Variants in GRM5 observed in about 807,000 individuals in gnomAD.
The protein encoded by GRM5 is glutamate metabotropic receptor 5, also known as metabotropic glutamate receptor 5.
In GRM5, 19 loss-of-function variants were observed where a neutral mutation model predicts 83.1. The ratio of observed to expected loss-of-function variants is 0.23; its 90% CI spans 0.16 to 0.34. The LOEUF is 0.34. Ranked by LOEUF, GRM5 falls within the 10% of genes least tolerant of loss-of-function variation. The pLI is 1.00. For missense variants in GRM5, 1,160 were observed against 1,588.3 expected (o/e 0.73, Z 4.58); for synonymous variants, 675 against 633.6 (o/e 1.07, Z -0.98).
chr11:88,523,163 T>G (rs1318424554), intron 9 of GRM5, among the ~76,000 whole-genome samples: 1 of 152,238 alleles, frequency 6.6e-6, no homozygotes, highest in Non-Finnish European at 1.5e-5. Flanking sequence ...CAGCTCCATG[T>G]CATCTCCTAC....
chr11:88,592,994 T>A (rs1479539844), intron 6 of GRM5, among the ~76,000 whole-genome samples: 3 of 151,958 alleles, frequency 2.0e-5, no homozygotes, highest in Non-Finnish European at 2.9e-5. Context: ...TGTTCCTTAT[T>A]TTTTTTGAAG....
At chr11:88,560,833 C>G (rs1399323013) in intron 8 of GRM5, among the ~76,000 whole-genome samples, 4 of 152,146 alleles carry the variant, frequency 2.6e-5, no homozygotes, top group Non-Finnish European at 5.9e-5. Flanking sequence ...GAGGGCCTAG[C>G]ACAGTGGTGG....
At chr11:89,031,598 G>A (rs894274049) in intron 2 of GRM5, among the ~76,000 whole-genome samples, 1 of 151,802 alleles carries the variant, frequency 6.6e-6, no homozygotes, top group African/African-American at 2.4e-5. Flanking sequence ...ATGAAAAAAT[G>A]CAAACAAAAA....
At chr11:89,043,312 G>A (rs1200356926) in intron 2 of GRM5, among the ~76,000 whole-genome samples, 1 of 152,036 alleles carries the variant, frequency 6.6e-6, no homozygotes, top group Non-Finnish European at 1.5e-5. Flanking sequence ...AATCACCCAG[G>A]AAGTACAATA....
At chr11:88,783,857 A>T (rs1290215001) in intron 3 of GRM5, among the ~76,000 whole-genome samples, 2 of 152,076 alleles carry the variant, frequency 1.3e-5, no homozygotes, top group African/African-American at 4.8e-5. Flanking sequence ...ATAGGTTAGT[A>T]CCTGCAAAGC....
rs1008016578 is a variant in GRM5, at chr11:88,505,882, C to T, written c.*2710G>A. 2.6e-5 allele frequency: 4 copies of T among 152,148 alleles called. No individual in the cohort carries two copies. The highest frequency in any genetic ancestry group is 9.7e-5 in the African/African-American group (4 of 41,434). The allele number at this position is 152,148 out of a possible 1,614,324, so 9.4% of individuals were successfully genotyped here. A position where few individuals can be genotyped will look rare whatever the true frequency, so the allele number is the denominator to read the frequency against. ...CCCAAATGAATTGTGAAGTTCATAT[C>T]CTATAGCCCTAGAATGAATATTCAG... On this transcript the variant is annotated 3_prime_UTR_variant, in exon 10 of 10. Coordinates refer to ENST00000305447, the MANE Select transcript of GRM5 (RefSeq NM_001143831.3).
chr11:88,629,625 C>G (rs979940700), intron 4 of GRM5, among the ~76,000 whole-genome samples: 5 of 152,134 alleles, frequency 3.3e-5, no homozygotes, highest in Admixed American at 3.3e-4. Flanking sequence ...CTTACCCATA[C>G]CACACTCGCT....
rs552914639 is a variant in GRM5 at position 88,854,956 on chromosome 11, C to A, written c.662-4801G>T. Among the ~76,000 whole-genome samples the A allele has an allele frequency of 2.6e-5, 4 of 151,892 alleles. No homozygotes were observed. The South Asian group carries it at 8.3e-4, about 32-fold the overall frequency. On this transcript the variant is annotated intron_variant, in intron 2 of 9. Coordinates refer to ENST00000305447, the MANE Select transcript of GRM5 (RefSeq NM_001143831.3). ...TTCAATATCATTAACAACTGTGTTA[C>A]ATTGGCCACTTTAAGATAAAGATAA...
intron 3 of GRM5, among the ~76,000 whole-genome samples, chr11:88,842,786 T>C (rs909400370): frequency 5.3e-5 from 8 of 152,208 alleles, no homozygotes; most frequent in African/African-American, 1.9e-4. Context: ...GATTTGCTAT[T>C]ATCCTGATGA....
At chr11:88,628,358 T>C (rs1422012972) in intron 4 of GRM5, among the ~76,000 whole-genome samples, 1 of 152,222 alleles carries the variant, frequency 6.6e-6, no homozygotes, top group Non-Finnish European at 1.5e-5. Flanking sequence ...TCTTGCTTAA[T>C]GGATGTAAGA....
intron 2 of GRM5, among the ~76,000 whole-genome samples, chr11:88,871,072 T>C (rs1377900329): frequency 3.3e-5 from 5 of 151,560 alleles, no homozygotes; most frequent in Admixed American, 6.6e-5. Context: ...CAGTTAAAAA[T>C]AAAATTTAAA....
chr11:88,970,919 T>C (rs1459519968), intron 2 of GRM5, among the ~76,000 whole-genome samples: 3 of 152,116 alleles, frequency 2.0e-5, no homozygotes, highest in Non-Finnish European at 4.4e-5. Flanking sequence ...CTTTCTGCCC[T>C]CTTTTACCTT....
chr11:88,911,054 G>T (rs903312441), intron 2 of GRM5, among the ~76,000 whole-genome samples: 1 of 152,000 alleles, frequency 6.6e-6, no homozygotes, highest in African/African-American at 2.4e-5. Flanking sequence ...GAAAAAAAAT[G>T]TTGCTTTGTA....
intron 4 of GRM5, among the ~76,000 whole-genome samples, chr11:88,627,684 C>A (rs1938840323): frequency 6.6e-6 from 1 of 152,084 alleles, no homozygotes; most frequent in Non-Finnish European, 1.5e-5. Flanking sequence ...TTTTAAGTCA[C>A]CCTTGTCTTC....
chr11:88,718,661 C>T (rs947268209), intron 3 of GRM5, among the ~76,000 whole-genome samples: 1 of 151,910 alleles, frequency 6.6e-6, no homozygotes, highest in East Asian at 1.9e-4. Context: ...TCCCTGAATT[C>T]CTCATAGGCT....
At chr11:88,677,462 C>T (rs1195730727) in intron 3 of GRM5, among the ~76,000 whole-genome samples, 1 of 152,128 alleles carries the variant, frequency 6.6e-6, no homozygotes, top group African/African-American at 2.4e-5. Flanking sequence ...TTCTCTTTCT[C>T]TCACTGGACA....
chr11:88,832,432 A>G (rs1035443600), intron 3 of GRM5, among the ~76,000 whole-genome samples: 2 of 152,186 alleles, frequency 1.3e-5, no homozygotes, highest in Non-Finnish European at 2.9e-5. Flanking sequence ...CTTTACAAAG[A>G]AAACTACAAA....
At chr11:88,675,388 A>T (rs1441025503) in intron 3 of GRM5, among the ~76,000 whole-genome samples, 1 of 151,996 alleles carries the variant, frequency 6.6e-6, no homozygotes, top group Non-Finnish European at 1.5e-5. Context: ...TATTATAAGA[A>T]GAAAGAGAAA....
intron 3 of GRM5, among the ~76,000 whole-genome samples, chr11:88,716,072 A>G (rs946495002): frequency 4.6e-5 from 7 of 151,964 alleles, no homozygotes; most frequent in Non-Finnish European, 8.8e-5. Flanking sequence ...AAAGAAATGT[A>G]TGTTTCTGCC....
Sources: allele counts gnomAD v4.1 joint callset (sites outside exome capture counted in the v4.1 genomes callset), GRCh38; gene constraint gnomAD v4.1.1; transcripts MANE v1.5; gene names NCBI Gene and HGNC (gene_info 2026-07-23, HGNC 2026-07-21).